SLC27A2: variants seen among roughly 807,000 people sequenced by gnomAD.
SLC27A2 encodes the protein solute carrier family 27 member 2.
In SLC27A2, 54 loss-of-function variants were observed where a neutral mutation model predicts 60.0. That is an observed-to-expected ratio of 0.90 (90% CI 0.72 to 1.13). SLC27A2 has a LOEUF of 1.13. Among genes scored for constraint, SLC27A2 ranks in the 50% most tolerant of loss-of-function variants. SLC27A2 has a pLI of 0.00. For missense variants in SLC27A2, 739 were observed against 777.6 expected (o/e 0.95, Z 0.59); for synonymous variants, 297 against 297.6 (o/e 1.00, Z 0.02).
At chr15:50,195,370 A>C (rs1021290533) in intron 1 of SLC27A2, among the ~76,000 whole-genome samples, 7 of 151,540 alleles carry the variant, frequency 4.6e-5, no homozygotes, top group Admixed American at 4.6e-4. Context: ...AGGTGCCTGT[A>C]GTCCCAGCTA....
At chr15:50,218,810 A>G (rs1306227608) in intron 4 of SLC27A2, among the ~76,000 whole-genome samples, 1 of 152,232 alleles carries the variant, frequency 6.6e-6, no homozygotes, top group Non-Finnish European at 1.5e-5. Context: ...CACAGGATCA[A>G]GGAAAGAGAG....
At position 50,196,058 on chromosome 15, in the gene SLC27A2, A is replaced by AAAAAAAAAAT. The variant is rs1218641462; in HGVS notation, c.479-1433_479-1432insTAAAAAAAAA. Among the ~76,000 whole-genome samples, 8 of 11,488 alleles carry AAAAAAAAAAT rather than the reference A, an allele frequency of 7.0e-4. 1 individual carries two copies. Among genetic ancestry groups the AAAAAAAAAAT allele is most frequent in the Non-Finnish European group, 1.5e-3 (8 of 5,366 alleles). 7.5% of individuals were successfully genotyped at this position (11,488 alleles called of 152,430 possible). ...GACAGAGCCAGACTCTGTCTCAAAA[A>AAAAAAAAAAT]AAAAAAAAAAAAAAAAAAAATATAT... On this transcript the variant is annotated intron_variant, in intron 1 of 9. Coordinates refer to ENST00000267842, the MANE Select transcript of SLC27A2 (RefSeq NM_003645.4).
intron 7 of SLC27A2, among the ~76,000 whole-genome samples, chr15:50,228,250 G>A (rs912306859): frequency 5.3e-5 from 8 of 151,840 alleles, no homozygotes; most frequent in East Asian, 3.9e-4. Context: ...AGTGGCACGC[G>A]CCTGTAGTCC....
chr15:50,228,376 CAAAAAAA>C (rs71124333), intron 7 of SLC27A2, among the ~76,000 whole-genome samples: 4 of 77,270 alleles, frequency 5.2e-5, no homozygotes, highest in African/African-American at 1.1e-4. Context: ...GACTCTGCCT[CAAAAAAA>C]AAAAAAAAAA....
In SLC27A2 at chr15:50,197,664, A is replaced by G; in HGVS notation, c.643A>G (p.Thr215Ala). 6.2e-7 allele frequency: 1 copy of G among 1,614,074 alleles called. No homozygotes were observed. The highest frequency in any genetic ancestry group is 8.5e-7 in the Non-Finnish European group (1 of 1,179,968). The change falls in exon 2 of 10, where the codon ACT (threonine) becomes GCT (alanine). Residue 215 changes from threonine (T) to alanine (A), a missense_variant. By Grantham distance (58) the Thr-to-Ala change is moderately conservative. Coordinates refer to ENST00000267842, the MANE Select transcript of SLC27A2 (RefSeq NM_003645.4). Reference protein sequence around the residue: ...PIPESWRSEVTFSTPALYIYT... With the variant: ...PIPESWRSEVAFSTPALYIYT... ...CCCAGAGTCATGGAGGTCTGAAGTC[A>G]CTTTTTCCACTCCTGCCTTATACAT...
chr15:50,234,607 A>AAAAAAC (rs1567440045), intron 9 of SLC27A2, among the ~76,000 whole-genome samples: 1 of 146,752 alleles, frequency 6.8e-6, no homozygotes, highest in Non-Finnish European at 1.5e-5. Context: ...AAAAAAAAAA[A>AAAAAAC]AATTAGCCAG....
At chr15:50,197,175 T>C (rs866777693) in intron 1 of SLC27A2, among the ~76,000 whole-genome samples, 3 of 152,156 alleles carry the variant, frequency 2.0e-5, no homozygotes, top group African/African-American at 4.8e-5. Flanking sequence ...GTGATTTTTT[T>C]TTTCAAATGT....
intron 4 of SLC27A2, among the ~76,000 whole-genome samples, chr15:50,214,683 T>G (rs1035447768): frequency 6.6e-6 from 1 of 152,146 alleles, no homozygotes; most frequent in Non-Finnish European, 1.5e-5. Flanking sequence ...TCAATAAATG[T>G]GATACAACAC....
At chr15:50,205,191 A>G in intron 3 of SLC27A2, 48 bp from the exon 4 acceptor site, 1 of 1,559,224 alleles carries the variant, frequency 6.4e-7, no homozygotes. Flanking sequence ...AACTGGGAGA[A>G]TTTTTTCCAC....
chr15:50,205,425 T>C (rs2045104526), intron 4 of SLC27A2, 62 bp downstream of exon 4: 1 of 1,540,650 alleles, frequency 6.5e-7, no homozygotes, highest in Non-Finnish European at 8.9e-7. Flanking sequence ...CAAGTCACTT[T>C]GGGTTGTGCT....
intron 5 of SLC27A2, among the ~76,000 whole-genome samples, chr15:50,223,414 C>T (rs2045258336): frequency 6.6e-6 from 1 of 152,224 alleles, no homozygotes; most frequent in Non-Finnish European, 1.5e-5. Flanking sequence ...GTGAAGTCTT[C>T]CTGATGCCAT....
Position 50,221,494 on chromosome 15 carries a change from G to A in SLC27A2, c.973-1471G>A, listed in dbSNP as rs8040505. 9.4e-3 allele frequency among the ~76,000 whole-genome samples: 1,424 copies of A among 152,266 alleles called. 21 individuals carry two copies. The highest frequency in any genetic ancestry group is 0.033 in the African/African-American group (1,361 of 41,554). On this transcript the variant is annotated intron_variant, in intron 4 of 9. Coordinates refer to ENST00000267842, the MANE Select transcript of SLC27A2 (RefSeq NM_003645.4). ...AATGTTTATTTTCTGCTTCCCTGGC[G>A]CCTTAGCTCCTCCTGCATGGAAACC...
intron 4 of SLC27A2, among the ~76,000 whole-genome samples, chr15:50,220,746 T>A (rs1468629125): frequency 1.3e-5 from 2 of 152,164 alleles, no homozygotes; most frequent in African/African-American, 4.8e-5. Flanking sequence ...CAATTCAGTA[T>A]CCAAACAGGG....
At chr15:50,192,862 A>T (rs1319245772) in intron 1 of SLC27A2, among the ~76,000 whole-genome samples, 4 of 151,296 alleles carry the variant, frequency 2.6e-5, no homozygotes, top group Non-Finnish European at 5.9e-5. Context: ...CCTCATTAAG[A>T]TGATTACTTG....
chr15:50,193,878 A>G (rs1797314), intron 1 of SLC27A2, among the ~76,000 whole-genome samples: 130,095 of 152,186 alleles, frequency 0.85, 56,225 homozygotes, highest in East Asian at 0.95. Context: ...AACCACATCC[A>G]CCAGGCATGG....
At chr15:50,196,077 A>AATATAT (rs58819609) in intron 1 of SLC27A2, among the ~76,000 whole-genome samples, 6 of 15,432 alleles carry the variant, frequency 3.9e-4, no homozygotes, top group Admixed American at 1.2e-3. Flanking sequence ...AAAAAAAAAA[A>AATATAT]ATATATATAT....
chr15:50,193,536 G>T (rs2044991271), intron 1 of SLC27A2, among the ~76,000 whole-genome samples: 1 of 152,220 alleles, frequency 6.6e-6, no homozygotes, highest in Admixed American at 6.5e-5. Flanking sequence ...GGAAAGAAAG[G>T]AGATTTCACA....
intron 1 of SLC27A2, 106 bp downstream of exon 1, chr15:50,183,011 A>G (rs2044880312): frequency 8.8e-7 from 1 of 1,130,874 alleles, no homozygotes; most frequent in Admixed American, 2.3e-5. Context: ...TCAGATCGGA[A>G]CTGTAGGTAT....
chr15:50,193,792 C>T (rs1218770413), intron 1 of SLC27A2, among the ~76,000 whole-genome samples: 1 of 152,006 alleles, frequency 6.6e-6, no homozygotes, highest in African/African-American at 2.4e-5. Flanking sequence ...TCTAGTAGTT[C>T]TGGGGGTACA....
Sources: allele counts gnomAD v4.1 joint callset (sites outside exome capture counted in the v4.1 genomes callset), GRCh38; gene constraint gnomAD v4.1.1; transcripts MANE v1.5; gene names NCBI Gene and HGNC (gene_info 2026-07-23, HGNC 2026-07-21).